ECSCR: variants seen among roughly 807,000 people sequenced by gnomAD.
ECSCR encodes endothelial cell-specific chemotaxis regulator.
A neutral mutation model predicts 16.7 loss-of-function variants in ECSCR; 12 were observed. The ratio of observed to expected loss-of-function variants is 0.72; its 90% confidence interval spans 0.46 to 1.17. The LOEUF is 1.17. ECSCR is among the 50% of genes most tolerant of loss of function. ECSCR has a pLI of 0.00. For synonymous variants in ECSCR, 44 were observed against 42.2 expected (o/e 1.04, Z -0.17); for missense variants, 122 against 116.1 (o/e 1.05, Z -0.23).
At chr5:139,458,224 G>A in intron 1 of ECSCR, 41 bp from the exon 2 acceptor site, 1 of 1,537,768 alleles carries the variant, frequency 6.5e-7, no homozygotes, top group Non-Finnish European at 8.8e-7. Flanking sequence ...TAAGTCCCCT[G>A]CCCAGCACAG....
rs141217798 is a variant in ECSCR at position 139,448,957 on chromosome 5, A to G, written c.610-49T>C. ...GAAGGGTGAACTTTTTAGGATTGGC[A>G]GGGTACAGAAGAGGGGAGAAAAGCC... On this transcript the variant is annotated intron_variant, in intron 9 of 9. Transcript: ENST00000618155. The G allele has an allele frequency of 6.7e-3, 10,229 of 1,537,076 alleles. 382 individuals are homozygous for G. The African/African-American group carries it at 0.092, about 14-fold the overall frequency.
At chr5:139,454,275 T>C (rs1751108872) in intron 8 of ECSCR, among the ~76,000 whole-genome samples, 5 of 142,546 alleles carry the variant, frequency 3.5e-5, no homozygotes, top group Admixed American at 3.5e-4. Context: ...GTGGGGTGTG[T>C]GGTATGTGGT....
Position 139,448,766 on chromosome 5 carries a change from T to C in ECSCR, c.*134A>G. 6.8e-7 allele frequency: 1 copy of C among 1,479,430 alleles called. No individual in the cohort carries two copies. Among genetic ancestry groups the C allele is most frequent in the Non-Finnish European group, 8.9e-7 (1 of 1,120,158 alleles). The allele number at this position is 1,479,430 out of a possible 1,614,324, so 91.6% of individuals were successfully genotyped here. A position where few individuals can be genotyped will look rare whatever the true frequency, so the allele number is the denominator to read the frequency against. The stretch of plus-strand genomic sequence containing the variant: ...GATCTGGGGCAATGCTAGTGTCCTT[T>C]AGATCTAGAAGCAGACATGAAACAA... On this transcript the variant is annotated 3_prime_UTR_variant, in exon 10 of 10. Transcript: ENST00000618155.
chr5:139,452,486 G>GAGGCC (rs2152088563), intron 8 of ECSCR, among the ~76,000 whole-genome samples: 2 of 38,092 alleles, frequency 5.3e-5, no homozygotes, highest in East Asian at 8.1e-4. Flanking sequence ...GGTGTGGAGT[G>GAGGCC]TGTGGTGTGT....
intron 8 of ECSCR, among the ~76,000 whole-genome samples, chr5:139,449,927 G>T (rs1751000777): frequency 1.3e-5 from 2 of 151,454 alleles, no homozygotes; most frequent in Non-Finnish European, 2.9e-5. Context: ...ACGGAGTCTT[G>T]CTCTGTCACC....
At chr5:139,459,037 C>G (rs1751233495) in intron 1 of ECSCR, among the ~76,000 whole-genome samples, 1 of 152,052 alleles carries the variant, frequency 6.6e-6, no homozygotes, top group Admixed American at 6.6e-5. Context: ...GAAGTCCTTC[C>G]CTGTCTCTTC....
At chr5:139,452,438 G>C (rs1386709495) in intron 8 of ECSCR, among the ~76,000 whole-genome samples, 17 of 115,372 alleles carry the variant, frequency 1.5e-4, no homozygotes, top group African/African-American at 5.2e-4. Flanking sequence ...GTGGTTCGTG[G>C]GGTGTGTGTG....
At chr5:139,458,221 C>T in intron 1 of ECSCR, 38 bp from the exon 2 acceptor site, 1 of 1,544,810 alleles carries the variant, frequency 6.5e-7, no homozygotes, top group Non-Finnish European at 8.8e-7. Flanking sequence ...TGGTAAGTCC[C>T]CTGCCCAGCA....
intron 6 of ECSCR, 39 bp from the exon 7 acceptor site, chr5:139,454,962 G>A (rs1370687784): frequency 5.0e-6 from 2 of 398,666 alleles, no homozygotes; most frequent in East Asian, 3.6e-5. Flanking sequence ...GGGCCAGTCG[G>A]GGGGACAAAG....
chr5:139,459,563 C>T (rs766323019), intron 1 of ECSCR, among the ~76,000 whole-genome samples: 3 of 152,184 alleles, frequency 2.0e-5, no homozygotes, highest in Non-Finnish European at 4.4e-5. Context: ...GTATGTGGAA[C>T]CTGAAAGGTC....
intron 1 of ECSCR, 92 bp downstream of exon 1, chr5:139,462,518 G>T: frequency 7.6e-7 from 1 of 1,311,044 alleles, no homozygotes; most frequent in Non-Finnish European, 1.1e-6. Flanking sequence ...GCCCCTGGAT[G>T]GAAAGCATGT....
At chr5:139,461,836 T>C (rs1289571164) in intron 1 of ECSCR, among the ~76,000 whole-genome samples, 2 of 152,094 alleles carry the variant, frequency 1.3e-5, no homozygotes, top group Admixed American at 6.6e-5. Flanking sequence ...AGAGGACTTG[T>C]AGAGGGTGAG....
intron 5 of ECSCR, among the ~76,000 whole-genome samples, chr5:139,456,207 G>C (rs1286948325): frequency 2.6e-5 from 4 of 152,148 alleles, no homozygotes; most frequent in Non-Finnish European, 4.4e-5. Flanking sequence ...AGGTTGCAGA[G>C]AGCCGGGATC....
chr5:139,457,027 G>A (rs961971940), intron 4 of ECSCR, among the ~76,000 whole-genome samples: 1 of 152,354 alleles, frequency 6.6e-6, no homozygotes, highest in East Asian at 1.9e-4. Flanking sequence ...GGGGGCCTGC[G>A]CGGCCTTCTT....
At chr5:139,455,292 C>T (rs2152089106) in intron 6 of ECSCR, 31 bp downstream of exon 6, 1 of 398,454 alleles carries the variant, frequency 2.5e-6, no homozygotes, top group Non-Finnish European at 4.4e-6. Context: ...AGGGGTTCCT[C>T]CTATGTCCCA....
At chr5:139,455,022 A>G (rs1751126097) in intron 6 of ECSCR, 99 bp from the exon 7 acceptor site, 3 of 397,952 alleles carry the variant, frequency 7.5e-6, no homozygotes, top group Non-Finnish European at 1.3e-5. Context: ...CTGTGTAGAC[A>G]GGCTCCAGGA....
intron 1 of ECSCR, among the ~76,000 whole-genome samples, chr5:139,460,101 G>C (rs1375595005): frequency 1.3e-5 from 2 of 151,702 alleles, no homozygotes; most frequent in South Asian, 4.2e-4. Flanking sequence ...ACATGTATCA[G>C]TTACTAATCC....
chr5:139,458,057 G>A (rs1751198798), intron 2 of ECSCR, 82 bp downstream of exon 2: 9 of 1,444,942 alleles, frequency 6.2e-6, no homozygotes, highest in African/African-American at 2.8e-5. Flanking sequence ...TGAGGTTAAG[G>A]CTAAATTGGC....
intron 5 of ECSCR, among the ~76,000 whole-genome samples, chr5:139,455,754 A>G (rs1751142987): frequency 7.1e-6 from 1 of 141,126 alleles, no homozygotes; most frequent in South Asian, 2.4e-4. Flanking sequence ...AGATGGGTGG[A>G]TCACTTGAAG....
Sources: allele counts gnomAD v4.1 joint callset (sites outside exome capture counted in the v4.1 genomes callset), GRCh38; gene constraint gnomAD v4.1.1; transcripts MANE v1.5; gene names NCBI Gene and HGNC (gene_info 2026-07-23, HGNC 2026-07-21).